Variants in NHSL2 observed in about 807,000 individuals in gnomAD.
The protein encoded by NHSL2 is NHS-like protein 2.
In NHSL2, 27 loss-of-function variants were observed where a neutral mutation model predicts 53.4. The ratio of observed to expected loss-of-function variants is 0.51; its 90% CI spans 0.37 to 0.70. The LOEUF is 0.70. NHSL2 is among the 30% of genes least tolerant of loss of function. The pLI is 0.00. For synonymous variants in NHSL2, 408 were observed against 404.1 expected (o/e 1.01, Z -0.12); for missense variants, 892 against 980.1 (o/e 0.91, Z 1.20).
intron 1 of NHSL2, among the ~76,000 whole-genome samples, chrX:72,075,901 A>AGTGTGTGTGTGTGTGT (rs10637913): frequency 8.5e-4 from 79 of 93,387 alleles, no homozygotes; most frequent in African/African-American, 3.0e-3. Context: ...GGGGGAGCAC[A>AGTGTGTGTGTGTGTGT]GTGTGTGTGT....
chrX:72,104,733 G>A (rs1031827942), intron 1 of NHSL2, among the ~76,000 whole-genome samples: 2 of 111,371 alleles, frequency 1.8e-5, no homozygotes, highest in South Asian at 7.6e-4. Flanking sequence ...AGGTGAAGAT[G>A]TCCACCAGGC....
chrX:72,010,680 T>C (rs1243782834), intron 1 of NHSL2, among the ~76,000 whole-genome samples: 1 of 112,619 alleles, frequency 8.9e-6, no homozygotes, highest in African/African-American at 3.2e-5. Flanking sequence ...CATATGGATC[T>C]AGTTCATTCT....
At chrX:71,968,164 T>G (rs1025331944) in intron 1 of NHSL2, among the ~76,000 whole-genome samples, 4 of 109,189 alleles carry the variant, frequency 3.7e-5, no homozygotes, top group Admixed American at 2.9e-4. Flanking sequence ...GCCTGGCTAA[T>G]TTATTTAATT....
intron 1 of NHSL2, among the ~76,000 whole-genome samples, chrX:72,110,713 A>C: frequency 5.0e-5 from 3 of 60,022 alleles, no homozygotes; most frequent in African/African-American, 7.1e-5. Context: ...TGTTTCTTCC[A>C]TCCTCCCACC....
intron 1 of NHSL2, among the ~76,000 whole-genome samples, chrX:72,120,955 G>T (rs1031356938): frequency 1.8e-5 from 2 of 112,689 alleles, no homozygotes; most frequent in Non-Finnish European, 3.7e-5. Flanking sequence ...AGGGCCTGGG[G>T]AAGAGCAGAA....
intron 1 of NHSL2, among the ~76,000 whole-genome samples, chrX:72,085,370 C>T (rs1438660365): frequency 1.8e-5 from 2 of 112,466 alleles, no homozygotes; most frequent in Non-Finnish European, 3.8e-5. Flanking sequence ...TCTTAACCTG[C>T]CCGGTATGCT....
chrX:72,102,434 TATAA>T (rs2042002828), intron 1 of NHSL2, among the ~76,000 whole-genome samples: 1 of 111,807 alleles, frequency 8.9e-6, no homozygotes, highest in Non-Finnish European at 1.9e-5. Context: ...TTCCTGTATA[TATAA>T]TCTTAGTCAA....
At chrX:72,125,759 G>A (rs2042219504) in intron 1 of NHSL2, among the ~76,000 whole-genome samples, 2 of 112,021 alleles carry the variant, frequency 1.8e-5, no homozygotes, top group South Asian at 7.4e-4. Context: ...GCTCACTGAT[G>A]AAGCCCACGA....
intron 1 of NHSL2, among the ~76,000 whole-genome samples, chrX:72,058,672 C>A (rs1212675028): frequency 8.9e-6 from 1 of 112,460 alleles, no homozygotes; most frequent in Non-Finnish European, 1.9e-5. Flanking sequence ...GCTTTCTCTG[C>A]CTGCCCCTTA....
intron 1 of NHSL2, among the ~76,000 whole-genome samples, chrX:71,945,618 G>C (rs942882812): frequency 1.8e-5 from 2 of 112,101 alleles, no homozygotes; most frequent in Admixed American, 1.9e-4. Flanking sequence ...TGTTGATATA[G>C]AAGATAGTTC....
chrX:72,105,162 A>G (rs1344064718), intron 1 of NHSL2, among the ~76,000 whole-genome samples: 1 of 106,204 alleles, frequency 9.4e-6, no homozygotes, highest in African/African-American at 3.5e-5. Flanking sequence ...TCTATTAACG[A>G]GATCTTGGAT....
At position 72,150,917 on chromosome X, in the gene NHSL2, CT is replaced by C. The variant is rs2042507515; in HGVS notation, c.*7344del. Reference sequence around the variant, plus strand: ...AATTCTGTAAAGGTTAAGACAGTAACTATTTTAGGCTTTGTGGGCTACATGT... The same window carrying C: ...AATTCTGTAAAGGTTAAGACAGTAACATTTTAGGCTTTGTGGGCTACATGT... On this transcript the variant is annotated 3_prime_UTR_variant, in exon 8 of 8. Coordinates refer to ENST00000633930, the MANE Select transcript of NHSL2 (RefSeq NM_001013627.3). The C allele has an allele frequency of 8.9e-6, 1 of 112,249 alleles. No homozygotes were observed. The allele number at this position is 112,249 out of a possible 1,213,427, so 9.3% of individuals were successfully genotyped here. A position where few individuals can be genotyped will look rare whatever the true frequency, so the allele number is the denominator to read the frequency against.
chrX:72,115,431 C>CGGGGGGGGGGGGGGGGG (rs11336322), intron 1 of NHSL2, among the ~76,000 whole-genome samples: 1 of 15,994 alleles, frequency 6.3e-5, no homozygotes, highest in African/African-American at 1.8e-4. Flanking sequence ...TTGGTGGGGG[C>CGGGGGGGGGGGGGGGGG]GGGGGGGGGG....
At chrX:72,133,760 A>C in intron 2 of NHSL2, 1 of 149,130 alleles carries the variant, frequency 6.7e-6, no homozygotes, top group Non-Finnish European at 1.3e-5. Context: ...AAAGAGAGGA[A>C]CTTGCAGTCC....
At chrX:72,085,712 T>C in intron 1 of NHSL2, among the ~76,000 whole-genome samples, 1 of 67,098 alleles carries the variant, frequency 1.5e-5, no homozygotes, top group East Asian at 2.9e-4. Flanking sequence ...TTGTTTTTTT[T>C]TTGTTTTTTT....
chrX:71,949,194 A>C (rs1309796515), intron 1 of NHSL2, among the ~76,000 whole-genome samples: 2 of 111,652 alleles, frequency 1.8e-5, no homozygotes, highest in Admixed American at 1.9e-4. Flanking sequence ...AAAATTAAAA[A>C]ATGCTCTTAC....
intron 1 of NHSL2, among the ~76,000 whole-genome samples, chrX:71,928,726 CA>C (rs2041698404): frequency 9.0e-6 from 1 of 111,197 alleles, no homozygotes; most frequent in African/African-American, 3.3e-5. Flanking sequence ...GCAGATGGTA[CA>C]GAAGCATAAA....
At chrX:71,969,089 G>T (rs777716330) in intron 1 of NHSL2, among the ~76,000 whole-genome samples, 1 of 111,481 alleles carries the variant, frequency 9.0e-6, no homozygotes, top group African/African-American at 3.3e-5. Flanking sequence ...CACAGGGATT[G>T]TGTTGAATCT....
intron 1 of NHSL2, among the ~76,000 whole-genome samples, chrX:72,102,351 T>TCATCCTA (rs2042001630): frequency 2.7e-5 from 3 of 111,976 alleles, no homozygotes; most frequent in African/African-American, 6.5e-5. Flanking sequence ...CCAGGCTGAA[T>TCATCCTA]CATCCTACCT....
Sources: gnomAD v4.1 joint callset for allele counts (sites outside exome capture counted in the v4.1 genomes callset) on GRCh38, gnomAD v4.1.1 for gene constraint, MANE v1.5 for transcripts, NCBI Gene and HGNC (gene_info 2026-07-23, HGNC 2026-07-21) for gene names.